Variants in APBA1 observed in about 807,000 individuals in gnomAD.
APBA1 encodes the protein amyloid-beta A4 precursor protein-binding family A member 1.
In APBA1, 55 loss-of-function variants were observed where a neutral mutation model predicts 86.6. The observed-to-expected ratio is 0.64, with a 90% CI of 0.51 to 0.80. The LOEUF is 0.80. APBA1 is among the 30% of genes least tolerant of loss of function. APBA1 has a pLI of 0.00. For synonymous variants in APBA1, 511 were observed against 493.9 expected (o/e 1.03, Z -0.46); for missense variants, 1,090 against 1,183.0 (o/e 0.92, Z 1.15).
At chr9:69,484,360 G>A (rs1361210370) in intron 2 of APBA1, among the ~76,000 whole-genome samples, 1 of 152,130 alleles carries the variant, frequency 6.6e-6, no homozygotes, top group Non-Finnish European at 1.5e-5. Context: ...TATGGAACAG[G>A]GGGAGGAGGC....
chr9:69,659,866 T>C (rs187662439), intron 1 of APBA1, among the ~76,000 whole-genome samples: 176 of 152,362 alleles, frequency 1.2e-3, no homozygotes, highest in African/African-American at 4.1e-3. Context: ...TAATATATTT[T>C]GGCAGGCTAA....
intron 1 of APBA1, among the ~76,000 whole-genome samples, chr9:69,607,257 A>G (rs1822494615): frequency 6.6e-6 from 1 of 152,190 alleles, no homozygotes; most frequent in Non-Finnish European, 1.5e-5. Flanking sequence ...ATGAAGGAAG[A>G]GCAAAGGGAT....
At chr9:69,645,359 A>G (rs1360849653) in intron 1 of APBA1, among the ~76,000 whole-genome samples, 5 of 152,218 alleles carry the variant, frequency 3.3e-5, no homozygotes, top group Non-Finnish European at 5.9e-5. Flanking sequence ...AGTTATTTGA[A>G]AACATCAGTT....
chr9:69,624,632 T>G (rs1012569818), intron 1 of APBA1, among the ~76,000 whole-genome samples: 1 of 152,206 alleles, frequency 6.6e-6, no homozygotes, highest in Admixed American at 6.5e-5. Context: ...CATTCAAATA[T>G]GTCCTAATTT....
chr9:69,570,176 T>C (rs758626479), intron 1 of APBA1, among the ~76,000 whole-genome samples: 36 of 152,200 alleles, frequency 2.4e-4, no homozygotes, highest in Non-Finnish European at 3.7e-4. Context: ...ACTTGCTTTA[T>C]GCGATGGAAG....
At position 69,516,243 on chromosome 9, in the gene APBA1, T is replaced by C. The variant is rs1455301790; in HGVS notation, c.968A>G (p.Gln323Arg). The change falls in exon 2 of 13, where the codon CAG becomes CGG. Residue 323 changes from glutamine to arginine, a missense_variant. By Grantham distance (43) the Gln-to-Arg change is conservative (BLOSUM62 1). Coordinates refer to ENST00000265381, the MANE Select transcript of APBA1 (RefSeq NM_001163.4). This position sits in a 1 kb window ranked among gnomAD's most constrained non-coding sequence, Gnocchi z 7.3. ...GCCGCCCGCGGGGCCCACCGCCCGC[T>C]GCTGCCCCGCCGGCGCCTGCAGCCC... is the stretch of plus-strand genomic sequence containing the variant. Reference protein sequence around the residue: ...SPGLQAPAGQQRAVGPAGGGE... With the variant: ...SPGLQAPAGQRRAVGPAGGGE... 1.4e-6 allele frequency: 2 copies of C among 1,414,328 alleles called. No homozygotes were observed. The highest frequency in any genetic ancestry group is 1.8e-6 in the Non-Finnish European group (2 of 1,087,738). The allele number at this position is 1,414,328 out of a possible 1,614,324, so 87.6% of individuals were successfully genotyped here.
At chr9:69,503,772 T>C (rs567956893) in intron 2 of APBA1, among the ~76,000 whole-genome samples, 2 of 152,200 alleles carry the variant, frequency 1.3e-5, no homozygotes, top group South Asian at 2.1e-4. Context: ...ACTGCCTAAC[T>C]GGAGCCCTCT....
intron 2 of APBA1, among the ~76,000 whole-genome samples, chr9:69,481,214 T>C (rs1245188716): frequency 8.4e-4 from 128 of 152,118 alleles, no homozygotes; most frequent in African/African-American, 3.0e-3. Flanking sequence ...TGATTGTATA[T>C]CTAGAAAACC....
intron 8 of APBA1, among the ~76,000 whole-genome samples, chr9:69,454,455 T>C (rs1368461829): frequency 6.6e-6 from 1 of 152,188 alleles, no homozygotes; most frequent in East Asian, 1.9e-4. Flanking sequence ...TTAACTGCAA[T>C]ATCTATGAGA....
intron 1 of APBA1, among the ~76,000 whole-genome samples, chr9:69,563,070 G>A (rs1836971971): frequency 6.6e-6 from 1 of 152,198 alleles, no homozygotes; most frequent in Non-Finnish European, 1.5e-5. Context: ...GATTTGCTCT[G>A]GGCTTCTGCA....
At chr9:69,646,912 T>C (rs1231445772) in intron 1 of APBA1, among the ~76,000 whole-genome samples, 1 of 152,192 alleles carries the variant, frequency 6.6e-6, no homozygotes, top group Non-Finnish European at 1.5e-5. Flanking sequence ...CTCAGTGCCC[T>C]CCATGAATAA....
At chr9:69,487,735 C>T (rs1204523012) in intron 2 of APBA1, among the ~76,000 whole-genome samples, 1 of 151,984 alleles carries the variant, frequency 6.6e-6, no homozygotes, top group African/African-American at 2.4e-5. Context: ...CTGCGGATTC[C>T]CCACTAGCAA....
intron 1 of APBA1, among the ~76,000 whole-genome samples, chr9:69,607,771 G>A (rs1253583600): frequency 6.6e-6 from 1 of 152,212 alleles, no homozygotes; most frequent in Admixed American, 6.5e-5. Context: ...AGATCCAGCT[G>A]TGGCTCCAGA....
rs1216322886 is a variant in APBA1, at chr9:69,522,536, C to T, written c.-69-5257G>A. On this transcript the variant is annotated intron_variant, in intron 1 of 12. Coordinates refer to ENST00000265381, the MANE Select transcript of APBA1 (RefSeq NM_001163.4). ...GGGCATTTATCAGACATGTACCAGT[C>T]ACTGTGCAAGGCAAAGGGGATGTAA... 2.6e-5 allele frequency among the ~76,000 whole-genome samples: 4 copies of T among 152,168 alleles called. No individual in the cohort carries two copies. In the East Asian group the frequency reaches 7.7e-4, roughly 29 times the overall value.
At chr9:69,569,830 T>A (rs889197308) in intron 1 of APBA1, among the ~76,000 whole-genome samples, 1 of 151,666 alleles carries the variant, frequency 6.6e-6, no homozygotes, top group African/African-American at 2.4e-5. Flanking sequence ...TTGCTAGAGT[T>A]TTTTTTTTCC....
At chr9:69,655,042 G>A (rs1216492498) in intron 1 of APBA1, among the ~76,000 whole-genome samples, 4 of 152,154 alleles carry the variant, frequency 2.6e-5, no homozygotes, top group Admixed American at 2.6e-4. Context: ...ATTAGGTACA[G>A]AAGGAATATA....
chr9:69,435,009 T>C (rs1203141853), intron 11 of APBA1, among the ~76,000 whole-genome samples: 3 of 140,890 alleles, frequency 2.1e-5, no homozygotes, highest in Admixed American at 1.5e-4. Flanking sequence ...TGTGTTCTCA[T>C]TGTTCAATTC....
chr9:69,604,079 C>T (rs1306737041), intron 1 of APBA1, among the ~76,000 whole-genome samples: 2 of 152,178 alleles, frequency 1.3e-5, no homozygotes, highest in Non-Finnish European at 2.9e-5. Flanking sequence ...AAACGCTGTA[C>T]AAAGCAGTGT....
intron 1 of APBA1, among the ~76,000 whole-genome samples, chr9:69,577,377 C>G (rs1345489545): frequency 1.3e-5 from 2 of 152,164 alleles, no homozygotes; most frequent in Admixed American, 1.3e-4. Flanking sequence ...CTAGGAAGCT[C>G]TGGACTGGAC....
Sources: gnomAD v4.1 joint callset for allele counts (sites outside exome capture counted in the v4.1 genomes callset) on GRCh38, gnomAD v4.1.1 for gene constraint, Gnocchi (gnomAD v3.1) non-coding constraint, MANE v1.5 for transcripts, NCBI Gene and HGNC (gene_info 2026-07-23, HGNC 2026-07-21) for gene names.